The following FNDC3A variants were observed in gnomAD, a reference collection of about 807,000 sequenced individuals.
FNDC3A encodes fibronectin type III domain containing 3A.
A neutral mutation model predicts 148.9 loss-of-function variants in FNDC3A; 32 were observed. That is an observed-to-expected ratio of 0.21 (90% CI 0.16 to 0.29). FNDC3A has a LOEUF of 0.29. Ranked by LOEUF, FNDC3A falls within the 10% of genes least tolerant of loss-of-function variation. The pLI, the probability that FNDC3A is intolerant of heterozygous loss-of-function variation, is 1.00. For synonymous variants in FNDC3A, 472 were observed against 473.6 expected (o/e 1.00, Z 0.04); for missense variants, 1,191 against 1,452.8 (o/e 0.82, Z 2.93).
At chr13:49,119,449 T>C (rs1188115708) in intron 4 of FNDC3A, among the ~76,000 whole-genome samples, 1 of 151,954 alleles carries the variant, frequency 6.6e-6, no homozygotes, top group Non-Finnish European at 1.5e-5. Context: ...GGATCACAGC[T>C]CCTTGCCAGC....
intron 3 of FNDC3A, among the ~76,000 whole-genome samples, chr13:49,086,283 T>TG (rs1878809712): frequency 6.6e-6 from 1 of 152,224 alleles, no homozygotes; most frequent in South Asian, 2.1e-4. Context: ...GGATTGTTCA[T>TG]GCCTTTTAAG....
Position 49,121,157 on chromosome 13 carries a change from A to G in FNDC3A, c.252+6426A>G, listed in dbSNP as rs568415070. Reference sequence around the variant, plus strand: ...TATAACAAACAATCTCTCAGGCCACAGTGCAATCAAATTAGAACTCAGGAT... The same window carrying G: ...TATAACAAACAATCTCTCAGGCCACGGTGCAATCAAATTAGAACTCAGGAT... On this transcript the variant is annotated intron_variant, in intron 4 of 25. Transcript: ENST00000492622. Among the ~76,000 whole-genome samples the G allele has an allele frequency of 9.2e-5, 14 of 152,372 alleles. 1 individual carries two copies. The highest frequency in any genetic ancestry group is 2.6e-4 in the African/African-American group (11 of 41,574).
chr13:49,197,900 T>G lies in FNDC3A; in HGVS notation c.2490+26T>G, dbSNP rs756125576. 8 of 1,591,368 alleles carry G rather than the reference T, an allele frequency of 5.0e-6. No homozygotes were observed. The African/African-American group carries it at 1.1e-4, about 22-fold the overall frequency. The stretch of plus-strand genomic sequence containing the variant: ...GTAAAGATGATCAGTACCTTGTCAC[T>G]TAACTCTATCCAGAGTTTTATATTT... On this transcript the variant is annotated intron_variant, in intron 21 of 25. Coordinates refer to ENST00000492622, the MANE Select transcript of FNDC3A (RefSeq NM_001079673.2).
At chr13:49,001,034 G>A (rs1952115401) in intron 1 of FNDC3A, among the ~76,000 whole-genome samples, 1 of 151,796 alleles carries the variant, frequency 6.6e-6, no homozygotes, top group East Asian at 1.9e-4. Context: ...GTGAACAGAG[G>A]TAATTTTATT....
chr13:49,159,233 T>C (rs1434947130), intron 8 of FNDC3A, among the ~76,000 whole-genome samples: 1 of 152,206 alleles, frequency 6.6e-6, no homozygotes, highest in Non-Finnish European at 1.5e-5. Context: ...TTCACGATAT[T>C]GATTCTTCCT....
chr13:49,088,163 G>A (rs980985868), intron 3 of FNDC3A, among the ~76,000 whole-genome samples: 3 of 152,134 alleles, frequency 2.0e-5, no homozygotes, highest in Non-Finnish European at 4.4e-5. Context: ...AATAATTAAG[G>A]AAACATTCAA....
At chr13:49,019,287 C>T (rs144226266) in intron 2 of FNDC3A, among the ~76,000 whole-genome samples, 149 of 152,322 alleles carry the variant, frequency 9.8e-4, no homozygotes, top group African/African-American at 3.4e-3. Context: ...GAGCTAGGTG[C>T]GGGATATAAT....
chr13:49,000,994 G>C (rs1952114413), intron 1 of FNDC3A, among the ~76,000 whole-genome samples: 1 of 151,282 alleles, frequency 6.6e-6, no homozygotes, highest in Non-Finnish European at 1.5e-5. Flanking sequence ...GTAATCTTTA[G>C]GGTTTTCTAC....
At chr13:48,991,634 G>C (rs759231783) in intron 1 of FNDC3A, among the ~76,000 whole-genome samples, 2 of 151,800 alleles carry the variant, frequency 1.3e-5, no homozygotes, top group East Asian at 1.9e-4. Flanking sequence ...GCTGCAGTGA[G>C]CTATGCTCAC....
At chr13:49,080,799 T>C (rs1878418379) in intron 3 of FNDC3A, among the ~76,000 whole-genome samples, 1 of 152,186 alleles carries the variant, frequency 6.6e-6, no homozygotes, top group Admixed American at 6.5e-5. Flanking sequence ...TCATAGAGAA[T>C]ATGTAGTAAA....
chr13:49,058,517 G>A (rs1048351152), intron 2 of FNDC3A, among the ~76,000 whole-genome samples: 1 of 152,064 alleles, frequency 6.6e-6, no homozygotes, highest in African/African-American at 2.4e-5. Flanking sequence ...TAATATCCTT[G>A]TAAGAAGAGG....
chr13:49,168,952 C>T lies in FNDC3A; in HGVS notation c.1176+201C>T, dbSNP rs74072727. Among the ~76,000 whole-genome samples the T allele has an allele frequency of 3.8e-3, 575 of 152,152 alleles. 6 individuals are homozygous for T. Among genetic ancestry groups the T allele is most frequent in the African/African-American group, 0.013 (547 of 41,528 alleles). ...TTACTATATGTAAATATAGCAAAAA[C>T]GATTTGTAATTAACAGTCCTTATTA... On this transcript the variant is annotated intron_variant, in intron 10 of 25. Coordinates refer to ENST00000492622, the MANE Select transcript of FNDC3A (RefSeq NM_001079673.2).
chr13:49,060,406 G>T (rs779356900), intron 2 of FNDC3A, among the ~76,000 whole-genome samples: 6 of 152,110 alleles, frequency 3.9e-5, no homozygotes, highest in Non-Finnish European at 5.9e-5. Flanking sequence ...CACTTTGGAA[G>T]GCCAAGGTGG....
chr13:49,103,088 C>G (rs1350491643), intron 3 of FNDC3A, among the ~76,000 whole-genome samples: 2 of 152,160 alleles, frequency 1.3e-5, no homozygotes. Context: ...CTTATTTAAT[C>G]TGCATAATAT....
intron 2 of FNDC3A, among the ~76,000 whole-genome samples, chr13:49,032,060 T>C (rs2137666055): frequency 6.6e-6 from 1 of 152,308 alleles, no homozygotes; most frequent in Admixed American, 6.5e-5. Flanking sequence ...TCATCAGTCA[T>C]CAGGGAAATG....
chr13:48,985,743 C>G (rs142892184), intron 1 of FNDC3A, among the ~76,000 whole-genome samples: 68 of 152,174 alleles, frequency 4.5e-4, no homozygotes, highest in African/African-American at 1.6e-3. Flanking sequence ...CAGGTAAGCA[C>G]AGAGAAAAAG....
Position 49,151,889 on chromosome 13 carries a change from G to C in FNDC3A, c.977+5954G>C, listed in dbSNP as rs149142196. 6.7e-3 allele frequency among the ~76,000 whole-genome samples: 1,019 copies of C among 152,244 alleles called. 13 individuals are homozygous for C. The highest frequency in any genetic ancestry group is 0.023 in the African/African-American group (969 of 41,526). On this transcript the variant is annotated intron_variant, in intron 8 of 25. Transcript: ENST00000492622. ...TGATGGTTTCCAGCCTCATCCATGT[G>C]CCTACAAAGGATATGAACTCATCCT...
intron 2 of FNDC3A, among the ~76,000 whole-genome samples, chr13:49,039,657 A>G (rs1474209488): frequency 2.6e-5 from 4 of 152,142 alleles, no homozygotes; most frequent in Non-Finnish European, 5.9e-5. Context: ...TATACTGGGC[A>G]TATTTATAAC....
chr13:49,174,607 T>G (rs370018571), intron 12 of FNDC3A, 48 bp downstream of exon 12: 1 of 1,489,448 alleles, frequency 6.7e-7, no homozygotes, highest in East Asian at 2.3e-5. Context: ...GATTATCAAG[T>G]CAACGTCAAT....
Sources: gnomAD v4.1 joint callset for allele counts (sites outside exome capture counted in the v4.1 genomes callset) on GRCh38, gnomAD v4.1.1 for gene constraint, MANE v1.5 for transcripts, NCBI Gene and HGNC (gene_info 2026-07-23, HGNC 2026-07-21) for gene names.